The following LRCH2 variants were observed in gnomAD, a reference collection of about 807,000 sequenced individuals.
The protein encoded by LRCH2 is leucine rich repeats and calponin homology domain containing 2.
Under a neutral mutation model 68.9 loss-of-function variants are expected in LRCH2, and 38 were observed. The observed-to-expected ratio is 0.55, with a 90% CI of 0.43 to 0.72. LRCH2 has a LOEUF of 0.72. Ranked by LOEUF, LRCH2 falls within the 30% of genes least tolerant of loss-of-function variation. LRCH2 has a pLI of 0.00. For synonymous variants in LRCH2, 191 were observed against 208.1 expected, an observed-to-expected ratio of 0.92 and a Z score of 0.71; for missense variants, 528 against 572.9, an observed-to-expected ratio of 0.92 and a Z score of 0.80.
chrX:115,213,562 A>T (rs1186055869), intron 1 of LRCH2, among the ~76,000 whole-genome samples: 1 of 112,014 alleles, frequency 8.9e-6, no homozygotes, highest in African/African-American at 3.2e-5. Context: ...AGGTAATATC[A>T]ATTCTTATTC....
chrX:115,189,941 C>G, intron 1 of LRCH2: 2 of 1,158,831 alleles, frequency 1.7e-6, no homozygotes, highest in Non-Finnish European at 2.3e-6. Context: ...AGGGCCACGC[C>G]GTCGAGCCTG....
intron 3 of LRCH2, among the ~76,000 whole-genome samples, chrX:115,181,891 A>G (rs1359910085): frequency 1.8e-5 from 2 of 111,647 alleles, no homozygotes; most frequent in African/African-American, 6.5e-5. Context: ...CAAATCAAAA[A>G]TATTCAGGAA....
chrX:115,171,571 T>A (rs782051724), intron 5 of LRCH2, among the ~76,000 whole-genome samples: 1 of 111,673 alleles, frequency 9.0e-6, no homozygotes, highest in Non-Finnish European at 1.9e-5. Context: ...CTCTTGTAAA[T>A]TTTAACTTTT....
chrX:115,125,469 A>G (rs12397348), intron 16 of LRCH2, among the ~76,000 whole-genome samples: 55 of 252 alleles, frequency 0.22, 1 homozygote, highest in East Asian at 0.5. Context: ...ATATATATAT[A>G]TATATATATA....
At chrX:115,132,160 C>T (rs1301035015) in intron 14 of LRCH2, among the ~76,000 whole-genome samples, 1 of 111,820 alleles carries the variant, frequency 8.9e-6, no homozygotes, top group Non-Finnish European at 1.9e-5. Flanking sequence ...CTTGCCCATG[C>T]CTATGTCCTG....
intron 1 of LRCH2, chrX:115,190,353 C>T: frequency 8.6e-7 from 1 of 1,161,962 alleles, no homozygotes; most frequent in Non-Finnish European, 1.1e-6. Flanking sequence ...GAGAGCCCCT[C>T]AAGAGCTACG....
intron 11 of LRCH2, among the ~76,000 whole-genome samples, chrX:115,163,469 C>A (rs964698356): frequency 1.8e-5 from 2 of 111,179 alleles, no homozygotes; most frequent in Non-Finnish European, 3.8e-5. Flanking sequence ...CCTTTTAGTA[C>A]AGGTTGAGTA....
At position 115,154,186 on chromosome X, in the gene LRCH2, C is replaced by T. The variant is rs1006991448; in HGVS notation, c.1529+2416G>A. On this transcript the variant is annotated intron_variant, in intron 12 of 20. Transcript: ENST00000317135. ...GAAAAGTCATTTCAGAATGACAGTA[C>T]AAATTCACCAAGAGGACAATACAAT... Among the ~76,000 whole-genome samples the T allele has an allele frequency of 3.6e-5, 4 of 111,023 alleles. No homozygotes were observed. In the Admixed American group the frequency reaches 3.8e-4, roughly 11 times the overall value.
At chrX:115,221,292 T>C (rs1309992989) in intron 1 of LRCH2, among the ~76,000 whole-genome samples, 2 of 104,097 alleles carry the variant, frequency 1.9e-5, no homozygotes, top group East Asian at 5.9e-4. Flanking sequence ...CTCATATATC[T>C]GCTTATGAAG....
chrX:115,217,607 T>C (rs145619228), intron 1 of LRCH2, among the ~76,000 whole-genome samples: 2,938 of 112,189 alleles, frequency 0.026, 90 homozygotes, highest in African/African-American at 0.09. Flanking sequence ...ATGTGCCACA[T>C]TTTCTTTATC....
intron 1 of LRCH2, among the ~76,000 whole-genome samples, chrX:115,214,290 C>T (rs782666919): frequency 5.6e-4 from 63 of 111,921 alleles, no homozygotes; most frequent in Non-Finnish European, 1.0e-3. Context: ...AGCTGTCTGT[C>T]GGATGCAAGG....
intron 6 of LRCH2, among the ~76,000 whole-genome samples, chrX:115,167,828 G>C (rs1204928475): frequency 9.0e-6 from 1 of 111,113 alleles, no homozygotes; most frequent in Non-Finnish European, 1.9e-5. Context: ...ACTTACACAA[G>C]GCCACAGAGA....
At chrX:115,126,040 A>ATG (rs1391112842) in intron 16 of LRCH2, among the ~76,000 whole-genome samples, 1 of 111,149 alleles carries the variant, frequency 9.0e-6, no homozygotes, top group Non-Finnish European at 1.9e-5. Flanking sequence ...AGCAGCATCT[A>ATG]TGTAACCAAA....
intron 5 of LRCH2, among the ~76,000 whole-genome samples, chrX:115,177,069 T>A (rs1169940590): frequency 1.1e-5 from 1 of 88,243 alleles, no homozygotes; most frequent in Non-Finnish European, 2.3e-5. Flanking sequence ...TTTTTTTTTT[T>A]TTTTAAAGAC....
chrX:115,154,725 G>A (rs1204004247), intron 12 of LRCH2, among the ~76,000 whole-genome samples: 1 of 111,869 alleles, frequency 8.9e-6, no homozygotes, highest in Non-Finnish European at 1.9e-5. Context: ...GTGTTAACAA[G>A]TATGGAAGTA....
intron 1 of LRCH2, among the ~76,000 whole-genome samples, chrX:115,199,956 A>G (rs1226937969): frequency 1.8e-5 from 2 of 112,502 alleles, no homozygotes; most frequent in Non-Finnish European, 3.8e-5. Context: ...TTCTCATAAC[A>G]CAGTGGAATA....
chrX:115,207,347 T>C (rs2147349539), intron 1 of LRCH2, among the ~76,000 whole-genome samples: 1 of 110,623 alleles, frequency 9.0e-6, no homozygotes, highest in East Asian at 2.9e-4. Context: ...CAGACCAGCC[T>C]GGGCAATATG....
At chrX:115,209,413 G>A (rs781801049) in intron 1 of LRCH2, among the ~76,000 whole-genome samples, 1 of 111,903 alleles carries the variant, frequency 8.9e-6, no homozygotes, top group East Asian at 2.8e-4. Flanking sequence ...TTTAAAAAGG[G>A]GAGGTTCCCT....
intron 15 of LRCH2, among the ~76,000 whole-genome samples, chrX:115,128,378 T>C (rs1346212063): frequency 8.9e-6 from 1 of 111,985 alleles, no homozygotes; most frequent in East Asian, 2.8e-4. Context: ...CTTTATAATA[T>C]ATGTGCTATG....
Sources: gnomAD v4.1 joint callset for allele counts (sites outside exome capture counted in the v4.1 genomes callset) on GRCh38, gnomAD v4.1.1 for gene constraint, MANE v1.5 for transcripts, NCBI Gene and HGNC (gene_info 2026-07-23, HGNC 2026-07-21) for gene names.